The following SH3D19 variants were observed in gnomAD, a reference collection of about 807,000 sequenced individuals.
SH3D19 encodes the protein SH3 domain containing 19.
A neutral mutation model predicts 112.1 loss-of-function variants in SH3D19; 58 were observed. That is an observed-to-expected ratio of 0.52 (90% CI 0.42 to 0.64). The LOEUF (loss-of-function observed/expected upper bound fraction) is 0.64. Among genes scored for constraint, SH3D19 ranks in the 30% least tolerant of loss-of-function variants. SH3D19 has a pLI of 0.00. For missense variants in SH3D19, 1,090 were observed against 1,263.4 expected (o/e 0.86, Z 2.08); for synonymous variants, 391 against 448.5 (o/e 0.87, Z 1.62).
At chr4:151,187,527 G>T in intron 2 of SH3D19, 64 bp from the exon 3 acceptor site, 1 of 980,364 alleles carries the variant, frequency 1.0e-6, no homozygotes, top group Non-Finnish European at 1.3e-6. Context: ...CCATTCATAA[G>T]GCCAAGTCAT....
At chr4:151,234,369 T>C (rs1376674257) in intron 1 of SH3D19, among the ~76,000 whole-genome samples, 2 of 152,186 alleles carry the variant, frequency 1.3e-5, no homozygotes, top group African/African-American at 4.8e-5. Flanking sequence ...AAAGCCACCA[T>C]CTGTATTGCC....
intron 2 of SH3D19, among the ~76,000 whole-genome samples, chr4:151,191,944 C>T (rs1283034295): frequency 8.7e-5 from 2 of 23,046 alleles, no homozygotes; most frequent in Admixed American, 5.3e-4. Context: ...CACACCCAGC[C>T]CTTTTTTTTT....
At chr4:151,296,782 G>C (rs1775745077) in intron 1 of SH3D19, among the ~76,000 whole-genome samples, 2 of 152,064 alleles carry the variant, frequency 1.3e-5, no homozygotes, top group African/African-American at 4.8e-5. Context: ...AAAATCCTAT[G>C]AGCAATTTTT....
At chr4:151,122,238 T>C in intron 19 of SH3D19, 31 bp from the exon 20 acceptor site, 1 of 1,253,766 alleles carries the variant, frequency 8.0e-7, no homozygotes, top group South Asian at 1.2e-5. Flanking sequence ...GAATTACTGG[T>C]TTCTGTTGAG....
At chr4:151,316,780 T>C (rs1730031051) in intron 1 of SH3D19, among the ~76,000 whole-genome samples, 1 of 152,172 alleles carries the variant, frequency 6.6e-6, no homozygotes, top group African/African-American at 2.4e-5. Flanking sequence ...GGCCAACAGC[T>C]GCTGAGGAGC....
chr4:151,255,471 C>T (rs532120719), intron 1 of SH3D19, among the ~76,000 whole-genome samples: 67 of 151,890 alleles, frequency 4.4e-4, no homozygotes, highest in African/African-American at 1.2e-3. Context: ...GATGTGATGG[C>T]GGCCGGGAAG....
chr4:151,250,804 T>G (rs6848046), intron 1 of SH3D19, among the ~76,000 whole-genome samples: 2,757 of 152,314 alleles, frequency 0.018, 40 homozygotes, highest in Middle Eastern at 0.037. Flanking sequence ...ACACAATTCC[T>G]AACACAAAGT....
At chr4:151,325,167 T>G in intron 1 of SH3D19, 74 bp downstream of exon 1, 1 of 807,526 alleles carries the variant, frequency 1.2e-6, no homozygotes, top group Non-Finnish European at 1.6e-6. Flanking sequence ...GCTGCCGCTG[T>G]GTGGGGCAGG....
chr4:151,135,509 C>T (rs11939746), intron 14 of SH3D19, among the ~76,000 whole-genome samples: 4,770 of 145,828 alleles, frequency 0.033, 250 homozygotes, highest in African/African-American at 0.11. Flanking sequence ...CTCACTGCAG[C>T]CTTGACCTCC....
intron 1 of SH3D19, among the ~76,000 whole-genome samples, chr4:151,299,992 G>A (rs992404243): frequency 2.6e-5 from 4 of 151,966 alleles, no homozygotes; most frequent in African/African-American, 4.8e-5. Flanking sequence ...ACCTGAGGTC[G>A]GGAGTTCGAG....
At chr4:151,228,043 T>A (rs1769268357) in intron 1 of SH3D19, 1 of 985,292 alleles carries the variant, frequency 1.0e-6, no homozygotes, top group African/African-American at 1.7e-5. Flanking sequence ...CAGCTCTCCT[T>A]CGTTCTTGGT....
intron 2 of SH3D19, among the ~76,000 whole-genome samples, chr4:151,197,722 T>C (rs954159381): frequency 6.8e-6 from 1 of 146,844 alleles, no homozygotes; most frequent in African/African-American, 2.5e-5. Flanking sequence ...TGATTTTGTC[T>C]CTCTCCATTC....
intron 1 of SH3D19, among the ~76,000 whole-genome samples, chr4:151,287,680 A>T (rs954348018): frequency 6.6e-6 from 1 of 152,142 alleles, no homozygotes; most frequent in Non-Finnish European, 1.5e-5. Context: ...GGATCACTTG[A>T]GGTCAGGAGT....
intron 1 of SH3D19, among the ~76,000 whole-genome samples, chr4:151,280,475 T>C (rs1774107230): frequency 6.6e-6 from 1 of 152,226 alleles, no homozygotes; most frequent in African/African-American, 2.4e-5. Flanking sequence ...TCAATGGTAC[T>C]CAACTAAGTC....
At position 151,180,385 on chromosome 4, in the gene SH3D19, T is replaced by C. The variant is rs991029205; in HGVS notation, c.194-988A>G. Among the ~76,000 whole-genome samples, 2 of 151,332 alleles carry C rather than the reference T, an allele frequency of 1.3e-5. 1 individual carries two copies. On this transcript the variant is annotated intron_variant, in intron 3 of 19. Transcript: ENST00000604030. The stretch of plus-strand genomic sequence containing the variant: ...AGTTTTAATCGGATAATCTAGAACA[T>C]ATCACATATGGGGTCATTTTTTTTT...
intron 1 of SH3D19, among the ~76,000 whole-genome samples, chr4:151,238,246 A>G (rs1770280273): frequency 6.6e-6 from 1 of 151,790 alleles, no homozygotes; most frequent in South Asian, 2.1e-4. Context: ...GGCATAAAGA[A>G]AGGAACTAGA....
At position 151,132,390 on chromosome 4, in the gene SH3D19, TA is replaced by T; in HGVS notation, c.2690-8del. The T allele has an allele frequency of 6.2e-7, 1 of 1,613,008 alleles. No homozygotes were observed. Among genetic ancestry groups the T allele is most frequent in the Non-Finnish European group, 8.5e-7 (1 of 1,179,438 alleles). ...TTCAGTGGTACCTTTGTGCCTACAT[TA>T]AAAAAACAAACAAACACAAGAAGTC... On this transcript the variant is annotated splice_region_variant and splice_polypyrimidine_tract_variant and intron_variant, in intron 16 of 19. Coordinates refer to ENST00000604030, the MANE Select transcript of SH3D19 (RefSeq NM_001378122.1).
chr4:151,262,036 CAACTT>C (rs1165628018), intron 1 of SH3D19, among the ~76,000 whole-genome samples: 1 of 152,078 alleles, frequency 6.6e-6, no homozygotes, highest in Non-Finnish European at 1.5e-5. Context: ...ATTCTGAAGA[CAACTT>C]AAATCCGCAT....
At chr4:151,160,945 T>G (rs1043371847) in intron 8 of SH3D19, among the ~76,000 whole-genome samples, 1 of 152,210 alleles carries the variant, frequency 6.6e-6, no homozygotes, top group Non-Finnish European at 1.5e-5. Context: ...AGATATTTTC[T>G]GTGCTGTGGT....
Sources: gnomAD v4.1 joint callset for allele counts (sites outside exome capture counted in the v4.1 genomes callset) on GRCh38, gnomAD v4.1.1 for gene constraint, MANE v1.5 for transcripts, NCBI Gene and HGNC (gene_info 2026-07-23, HGNC 2026-07-21) for gene names.